KLRG1: variants seen among roughly 807,000 people sequenced by gnomAD.
KLRG1 encodes killer cell lectin like receptor G1.
KLRG1 carries 16 observed loss-of-function variants against 21.8 expected under a neutral mutation model. The observed-to-expected ratio is 0.73, with a 90% CI of 0.50 to 1.11. The LOEUF is 1.11. Among genes scored for constraint, KLRG1 ranks in the 50% most tolerant of loss-of-function variants. The pLI is 0.00. For missense variants in KLRG1, 173 were observed against 218.3 expected, an observed-to-expected ratio of 0.79 and a Z score of 1.31; for synonymous variants, 69 against 75.9, an observed-to-expected ratio of 0.91 and a Z score of 0.47.
chr12:8,964,211 G>A (rs756455567), intron 1 of KLRG1, among the ~76,000 whole-genome samples: 1 of 152,300 alleles, frequency 6.6e-6, no homozygotes, highest in African/African-American at 2.4e-5. Flanking sequence ...CTTTGAATGT[G>A]TCCCAGAGAT....
At chr12:9,033,438 C>G in the KLRG1 span, among the ~76,000 whole-genome samples, 3 of 148,694 alleles carry the variant, frequency 2.0e-5, no homozygotes, top group Admixed American at 2.0e-4. Flanking sequence ...GAATGAGACT[C>G]TTTAAAAAAA....
At chr12:8,997,479 G>A (rs1243511888) in intron 3 of KLRG1, among the ~76,000 whole-genome samples, 5 of 152,144 alleles carry the variant, frequency 3.3e-5, no homozygotes, top group African/African-American at 1.2e-4. Context: ...ACTGGGGTCT[G>A]AGCCACTACC....
chr12:8,984,709 A>G (rs1002806856), upstream of KLRG1, among the ~76,000 whole-genome samples: 2 of 152,182 alleles, frequency 1.3e-5, no homozygotes, highest in African/African-American at 4.8e-5. Context: ...TGCAGATATT[A>G]AAGTCCTTGT....
the KLRG1 span, chr12:9,160,601 G>A: frequency 1.0e-6 from 1 of 965,022 alleles, no homozygotes; most frequent in Non-Finnish European, 1.6e-6. Context: ...TAAGAGAAAA[G>A]TTATATACAC....
the KLRG1 span, chr12:9,158,597 G>C: frequency 6.2e-7 from 1 of 1,612,498 alleles, no homozygotes. Context: ...GAAAAATGCA[G>C]TGCTGAGGCT....
chr12:9,087,603 A>G, the KLRG1 span, among the ~76,000 whole-genome samples: 1 of 152,116 alleles, frequency 6.6e-6, no homozygotes, highest in Admixed American at 6.6e-5. Context: ...CATGGTGAAT[A>G]TAGTTAATAA....
At chr12:9,096,998 G>A in the KLRG1 span, among the ~76,000 whole-genome samples, 1 of 152,166 alleles carries the variant, frequency 6.6e-6, no homozygotes, top group Non-Finnish European at 1.5e-5. Context: ...CAAAGCTTGA[G>A]AAGAGTTGGT....
the KLRG1 span, among the ~76,000 whole-genome samples, chr12:9,185,304 G>A: frequency 6.6e-6 from 1 of 152,266 alleles, no homozygotes; most frequent in African/African-American, 2.4e-5. Flanking sequence ...ATTAACAGCA[G>A]AACAGACCAA....
At chr12:9,008,939 C>G in intron 3 of KLRG1, 36 bp from the exon 4 acceptor site, 1 of 1,354,540 alleles carries the variant, frequency 7.4e-7, no homozygotes, top group South Asian at 1.2e-5. Flanking sequence ...GACTGTGACA[C>G]TAGGTCCCTT....
chr12:9,123,827 T>TTAAACTG, the KLRG1 span, among the ~76,000 whole-genome samples: 1 of 141,896 alleles, frequency 7.0e-6, no homozygotes, highest in African/African-American at 3.0e-5. Flanking sequence ...TAATTTCCTC[T>TTAAACTG]ATGCCTAATT....
At chr12:9,157,299 C>G in the KLRG1 span, 1 of 1,613,928 alleles carries the variant, frequency 6.2e-7, no homozygotes, top group African/African-American at 1.3e-5. Context: ...GGGTCCCCTC[C>G]TTTGCTACAT....
chr12:9,113,342 T>G, the KLRG1 span: 4 of 1,610,640 alleles, frequency 2.5e-6, no homozygotes, highest in Non-Finnish European at 3.4e-6. Context: ...GTATATTAAG[T>G]CAAACAGCCA....
chr12:8,989,210 A>G (rs1946898234), upstream of KLRG1, among the ~76,000 whole-genome samples: 2 of 152,336 alleles, frequency 1.3e-5, no homozygotes, highest in South Asian at 4.1e-4. Flanking sequence ...AAAAGTTCCA[A>G]GAAATGATGA....
At chr12:8,974,473 GT>G (rs1946624489) in intron 1 of KLRG1, among the ~76,000 whole-genome samples, 1 of 151,554 alleles carries the variant, frequency 6.6e-6, no homozygotes, top group Non-Finnish European at 1.5e-5. Flanking sequence ...GGCTGTCTCA[GT>G]TTTTTCTGTA....
the KLRG1 span, among the ~76,000 whole-genome samples, chr12:9,133,783 A>C: frequency 3.9e-5 from 6 of 152,240 alleles, no homozygotes; most frequent in African/African-American, 1.4e-4. Flanking sequence ...AGTATGAGGC[A>C]AGAGAATCAC....
chr12:8,950,409 A>T (rs1341585845), intron 1 of KLRG1, among the ~76,000 whole-genome samples: 4 of 152,192 alleles, frequency 2.6e-5, no homozygotes, highest in Non-Finnish European at 5.9e-5. Context: ...GCCTTTGCTA[A>T]GATCTTTTGT....
chr12:8,967,644 T>A (rs1432169365), intron 1 of KLRG1, among the ~76,000 whole-genome samples: 1 of 152,150 alleles, frequency 6.6e-6, no homozygotes, highest in Non-Finnish European at 1.5e-5. Context: ...TTCTTGAGCC[T>A]AGGAGTTCAA....
At chr12:8,982,503 C>G (rs1037254960) in intron 1 of KLRG1, among the ~76,000 whole-genome samples, 5 of 152,154 alleles carry the variant, frequency 3.3e-5, no homozygotes, top group African/African-American at 1.2e-4. Context: ...TGTGTTACAG[C>G]AGTGATAAGA....
At chr12:9,161,199 AG>A in the KLRG1 span, 8 of 1,163,060 alleles carry the variant, frequency 6.9e-6, no homozygotes, top group South Asian at 9.1e-5. Flanking sequence ...TGAGAGCTTC[AG>A]AGCCACACTC....
Sources: gnomAD v4.1 joint callset for allele counts (sites outside exome capture counted in the v4.1 genomes callset) on GRCh38, gnomAD v4.1.1 for gene constraint, MANE v1.5 for transcripts, NCBI Gene and HGNC (gene_info 2026-07-23, HGNC 2026-07-21) for gene names.